Variants in EBF1 observed in about 807,000 individuals in gnomAD.
EBF1 encodes the protein EBF transcription factor 1.
Under a neutral mutation model 68.4 loss-of-function variants are expected in EBF1, and 10 were observed. The observed-to-expected ratio is 0.15, with a 90% CI of 0.09 to 0.25. The LOEUF (loss-of-function observed/expected upper bound fraction) is 0.25, where lower values mean the gene tolerates loss of function less well. Ranked by LOEUF, EBF1 falls within the 10% of genes least tolerant of loss-of-function variation. EBF1 has a pLI of 1.00. For missense variants in EBF1, 509 were observed against 794.4 expected (o/e 0.64, Z 4.32); for synonymous variants, 298 against 299.8 (o/e 0.99, Z 0.06).
chr5:159,048,762 C>T (rs1772953228), intron 6 of EBF1, among the ~76,000 whole-genome samples: 1 of 152,206 alleles, frequency 6.6e-6, no homozygotes. Flanking sequence ...AAGAAAGCCT[C>T]TGATCTAAGC....
chr5:159,019,235 T>A (rs1766200374), intron 6 of EBF1: 1 of 152,262 alleles, frequency 6.6e-6, no homozygotes. Flanking sequence ...AGCCACCACA[T>A]AATTTACATT....
chr5:158,873,248 T>G (rs1797209875), intron 6 of EBF1, among the ~76,000 whole-genome samples: 1 of 152,144 alleles, frequency 6.6e-6, no homozygotes, highest in East Asian at 1.9e-4. Flanking sequence ...AAGACAAAGA[T>G]AAGTGAATTG....
At chr5:159,077,746 T>C (rs1779035445) in intron 5 of EBF1, among the ~76,000 whole-genome samples, 1 of 69,032 alleles carries the variant, frequency 1.4e-5, no homozygotes, top group Non-Finnish European at 3.1e-5. Flanking sequence ...AGTGGTTTGC[T>C]TTTTTTTTTT....
chr5:158,720,663 T>C (rs920470735), intron 11 of EBF1, among the ~76,000 whole-genome samples: 1 of 152,178 alleles, frequency 6.6e-6, no homozygotes, highest in African/African-American at 2.4e-5. Flanking sequence ...CTTTAAACAC[T>C]CTTTCCTTAG....
At chr5:158,800,145 G>C (rs1425393532) in intron 8 of EBF1, among the ~76,000 whole-genome samples, 1 of 152,102 alleles carries the variant, frequency 6.6e-6, no homozygotes, top group Non-Finnish European at 1.5e-5. Context: ...TAGAATACTA[G>C]GAGTGTCATT....
chr5:158,796,354 G>C lies in EBF1; in HGVS notation c.900C>G (p.Val300=). 3.1e-6 allele frequency: 5 copies of C among 1,612,380 alleles called. No individual in the cohort carries two copies. Among genetic ancestry groups the C allele is most frequent in the Non-Finnish European group, 4.2e-6 (5 of 1,179,042 alleles). ...TTCAGACAACACCTACCTCACTCCA[G>C]ACCAGCATGGTACCGAATATGACCT... ...GLQVIFGTML[V]WSELITPHAI... Residue 300 remains valine (V), a synonymous_variant, in exon 9 of 16, where the codon GTC becomes GTG. Transcript: ENST00000313708.
chr5:158,916,275 A>G (rs781644916), intron 6 of EBF1, among the ~76,000 whole-genome samples: 2 of 152,160 alleles, frequency 1.3e-5, no homozygotes, highest in Non-Finnish European at 2.9e-5. Flanking sequence ...TTAAGTAATG[A>G]TCTTTCAAGA....
intron 10 of EBF1, among the ~76,000 whole-genome samples, chr5:158,742,774 T>A (rs1290281902): frequency 1.3e-5 from 2 of 152,152 alleles, no homozygotes; most frequent in African/African-American, 4.8e-5. Context: ...GGTTCTCAAA[T>A]ATTACCCTGA....
intron 5 of EBF1, among the ~76,000 whole-genome samples, chr5:159,078,101 A>T (rs1298006172): frequency 6.6e-6 from 1 of 152,212 alleles, no homozygotes; most frequent in Non-Finnish European, 1.5e-5. Context: ...AACCACAAGC[A>T]GTGGAAGGAA....
At chr5:158,746,980 G>A (rs553900047) in intron 10 of EBF1, among the ~76,000 whole-genome samples, 3 of 152,138 alleles carry the variant, frequency 2.0e-5, no homozygotes, top group South Asian at 2.1e-4. Context: ...TTTTAGATAC[G>A]AATACATTCT....
intron 7 of EBF1, among the ~76,000 whole-genome samples, chr5:158,825,882 TA>T (rs1785996281): frequency 6.7e-6 from 1 of 149,096 alleles, no homozygotes; most frequent in South Asian, 2.1e-4. Flanking sequence ...TATATTTAAA[TA>T]AAACATATGC....
chr5:158,819,592 C>T (rs918985567), intron 8 of EBF1, among the ~76,000 whole-genome samples: 3 of 152,186 alleles, frequency 2.0e-5, no homozygotes, highest in African/African-American at 7.2e-5. Flanking sequence ...TGAACTTGCC[C>T]AAATGACTGG....
intron 6 of EBF1, among the ~76,000 whole-genome samples, chr5:159,021,701 A>G (rs575193655): frequency 6.6e-6 from 1 of 152,368 alleles, no homozygotes; most frequent in South Asian, 2.1e-4. Flanking sequence ...CACCTTCAGT[A>G]AAGCTCACGG....
chr5:158,909,699 G>A (rs1392752709), intron 6 of EBF1, among the ~76,000 whole-genome samples: 1 of 152,090 alleles, frequency 6.6e-6, no homozygotes, highest in African/African-American at 2.4e-5. Flanking sequence ...AGCACTTTGG[G>A]AGGCCGAGGC....
At chr5:159,055,648 T>C (rs1274196834) in intron 6 of EBF1, among the ~76,000 whole-genome samples, 7 of 152,236 alleles carry the variant, frequency 4.6e-5, no homozygotes, top group Non-Finnish European at 1.0e-4. Flanking sequence ...GGAATTAACC[T>C]ACACTAAATC....
intron 6 of EBF1, among the ~76,000 whole-genome samples, chr5:159,034,387 C>T (rs1233922536): frequency 6.6e-6 from 1 of 152,128 alleles, no homozygotes; most frequent in East Asian, 1.9e-4. Flanking sequence ...AATGGCTAAT[C>T]AATACAATTC....
At chr5:158,830,029 T>C (rs1380691382) in intron 7 of EBF1, among the ~76,000 whole-genome samples, 1 of 152,194 alleles carries the variant, frequency 6.6e-6, no homozygotes, top group Admixed American at 6.5e-5. Flanking sequence ...TGATTCTTAA[T>C]AAATGCAATT....
chr5:159,016,693 G>A (rs546624322), intron 6 of EBF1, among the ~76,000 whole-genome samples: 4 of 152,320 alleles, frequency 2.6e-5, no homozygotes, highest in African/African-American at 9.6e-5. Context: ...GCACTTGGGT[G>A]AGGACAGCTG....
At chr5:158,983,371 G>A (rs1156769022) in intron 6 of EBF1, 3 of 152,014 alleles carry the variant, frequency 2.0e-5, no homozygotes, top group Admixed American at 1.3e-4. Context: ...TTTCCCATAC[G>A]ACTAATTTAC....
Sources: allele counts gnomAD v4.1 joint callset (sites outside exome capture counted in the v4.1 genomes callset), GRCh38; gene constraint gnomAD v4.1.1; transcripts MANE v1.5; gene names NCBI Gene and HGNC (gene_info 2026-07-23, HGNC 2026-07-21).